Variants in FBXW7 observed in about 807,000 individuals in gnomAD.
FBXW7 encodes F-box/WD repeat-containing protein 7.
FBXW7 carries 11 observed loss-of-function variants against 86.3 expected under a neutral mutation model. That is an observed-to-expected ratio of 0.13 (90% CI 0.08 to 0.21). FBXW7 has a LOEUF of 0.21. FBXW7 is among the 10% of genes least tolerant of loss of function. The pLI is 1.00. For missense variants in FBXW7, 488 were observed against 847.4 expected, an observed-to-expected ratio of 0.58 and a Z score of 5.27; for synonymous variants, 313 against 297.9, an observed-to-expected ratio of 1.05 and a Z score of -0.52.
chr4:152,398,067 TAAAAA>T (rs201544364), intron 4 of FBXW7, among the ~76,000 whole-genome samples: 1 of 150,648 alleles, frequency 6.6e-6, no homozygotes, highest in Non-Finnish European at 1.5e-5. Context: ...AGCTGCTTGT[TAAAAA>T]AAAAGCAAAA....
At chr4:152,416,963 TTTA>T (rs1337024559) in intron 2 of FBXW7, among the ~76,000 whole-genome samples, 1 of 152,208 alleles carries the variant, frequency 6.6e-6, no homozygotes, top group Non-Finnish European at 1.5e-5. Context: ...TTTTTGTATC[TTTA>T]TATTCTGTTG....
At chr4:152,386,592 A>G (rs1455982155) in intron 4 of FBXW7, among the ~76,000 whole-genome samples, 1 of 152,098 alleles carries the variant, frequency 6.6e-6, no homozygotes, top group Non-Finnish European at 1.5e-5. Flanking sequence ...ATTTTAAAAC[A>G]TATTATTTGT....
intron 4 of FBXW7, among the ~76,000 whole-genome samples, chr4:152,395,985 T>C (rs1413694136): frequency 6.6e-6 from 1 of 152,046 alleles, no homozygotes; most frequent in Non-Finnish European, 1.5e-5. Context: ...TTCAAAAACA[T>C]GGCAATATCA....
chr4:152,467,691 CA>C (rs1203873595), intron 2 of FBXW7, among the ~76,000 whole-genome samples: 3 of 152,116 alleles, frequency 2.0e-5, no homozygotes, highest in African/African-American at 7.2e-5. Context: ...CAAGAAATGC[CA>C]ATGCTTTTTC....
chr4:152,356,070 AAT>A (rs1220747522), intron 4 of FBXW7, among the ~76,000 whole-genome samples: 1 of 152,180 alleles, frequency 6.6e-6, no homozygotes, highest in South Asian at 2.1e-4. Flanking sequence ...GGATGTAGTT[AAT>A]AGAGTACTTT....
chr4:152,359,366 C>T (rs943324633), intron 4 of FBXW7, among the ~76,000 whole-genome samples: 5 of 151,850 alleles, frequency 3.3e-5, no homozygotes, highest in South Asian at 2.1e-4. Context: ...TTTGGGAGGC[C>T]GAGGCAGGAG....
intron 2 of FBXW7, among the ~76,000 whole-genome samples, chr4:152,439,813 C>A (rs551497771): frequency 1.3e-5 from 2 of 150,048 alleles, no homozygotes; most frequent in Admixed American, 1.3e-4. Context: ...TTGCAGTGAG[C>A]CAAGATCGTG....
chr4:152,504,963 C>T (rs1446638135), intron 2 of FBXW7, among the ~76,000 whole-genome samples: 3 of 152,050 alleles, frequency 2.0e-5, no homozygotes, highest in Non-Finnish European at 2.9e-5. Flanking sequence ...AGTCACGCAT[C>T]GCCTCATGAC....
chr4:152,445,910 T>TA (rs11457603), intron 2 of FBXW7, among the ~76,000 whole-genome samples: 4,617 of 99,756 alleles, frequency 0.046, 212 homozygotes, highest in Non-Finnish European at 0.072. Context: ...ACTCTGTCTT[T>TA]AAAAAAAAAA....
chr4:152,424,476 T>C (rs78051975), intron 2 of FBXW7, among the ~76,000 whole-genome samples: 2,082 of 152,320 alleles, frequency 0.014, 26 homozygotes, highest in Middle Eastern at 0.037. Context: ...AAAACTCTCT[T>C]CATCTCTTAT....
chr4:152,404,317 A>G (rs1005010135), intron 4 of FBXW7, among the ~76,000 whole-genome samples: 1 of 152,226 alleles, frequency 6.6e-6, no homozygotes, highest in African/African-American at 2.4e-5. Flanking sequence ...TTTTCAAATA[A>G]AGAGGCATAT....
intron 2 of FBXW7, among the ~76,000 whole-genome samples, chr4:152,519,214 C>T (rs532240749): frequency 6.0e-4 from 91 of 152,106 alleles, no homozygotes; most frequent in African/African-American, 2.2e-3. Context: ...AGGAGAATGG[C>T]GTGAATCCGG....
At chr4:152,500,278 C>T (rs1437962146) in intron 2 of FBXW7, among the ~76,000 whole-genome samples, 2 of 152,046 alleles carry the variant, frequency 1.3e-5, no homozygotes, top group Non-Finnish European at 2.9e-5. Flanking sequence ...AGTTTTTAGG[C>T]ATTCAACTTC....
At chr4:152,473,647 AT>A (rs557413136) in intron 2 of FBXW7, among the ~76,000 whole-genome samples, 13 of 149,854 alleles carry the variant, frequency 8.7e-5, no homozygotes, top group East Asian at 1.9e-4. Context: ...CGCCTGCCTA[AT>A]TTTTTTTTTA....
chr4:152,476,116 C>T (rs1744371923), intron 2 of FBXW7, among the ~76,000 whole-genome samples: 1 of 152,116 alleles, frequency 6.6e-6, no homozygotes, highest in South Asian at 2.1e-4. Context: ...GATGTATTAG[C>T]AAGAGGACAC....
intron 2 of FBXW7, among the ~76,000 whole-genome samples, chr4:152,503,492 G>A (rs1351950386): frequency 1.3e-5 from 2 of 151,972 alleles, no homozygotes; most frequent in African/African-American, 2.4e-5. Context: ...GGCTGGTCTC[G>A]ATCTCCTGGC....
chr4:152,434,712 CG>C, intron 2 of FBXW7, among the ~76,000 whole-genome samples: 1 of 152,058 alleles, frequency 6.6e-6, no homozygotes, highest in African/African-American at 2.4e-5. Context: ...AGACAAAAAT[CG>C]TTAAAGAGAA....
chr4:152,517,555 A>C (rs1748611212), intron 2 of FBXW7, among the ~76,000 whole-genome samples: 1 of 152,232 alleles, frequency 6.6e-6, no homozygotes, highest in Non-Finnish European at 1.5e-5. Flanking sequence ...CTCTAGAGCC[A>C]GACTGCCTGG....
At chr4:152,481,160 GATCACTT>G (rs1404136907) in intron 2 of FBXW7, among the ~76,000 whole-genome samples, 1 of 152,168 alleles carries the variant, frequency 6.6e-6, no homozygotes, top group Non-Finnish European at 1.5e-5. Context: ...GTGGAACAAT[GATCACTT>G]ATCATTCCAA....
Sources: gnomAD v4.1 joint callset for allele counts (sites outside exome capture counted in the v4.1 genomes callset) on GRCh38, gnomAD v4.1.1 for gene constraint, MANE v1.5 for transcripts, NCBI Gene and HGNC (gene_info 2026-07-23, HGNC 2026-07-21) for gene names.